MARCHF1: variants seen among roughly 807,000 people sequenced by gnomAD.
The protein encoded by MARCHF1 is membrane associated ring-CH-type finger 1.
A neutral mutation model predicts 54.2 loss-of-function variants in MARCHF1; 40 were observed. The observed-to-expected ratio is 0.74, with a 90% CI of 0.57 to 0.96. MARCHF1 has a LOEUF of 0.96. Among genes scored for constraint, MARCHF1 ranks in the 40% least tolerant of loss-of-function variants. The pLI, the probability that MARCHF1 is intolerant of heterozygous loss-of-function variation, is 0.00. For synonymous variants in MARCHF1, 236 were observed against 236.3 expected (o/e 1.00, Z 0.01); for missense variants, 586 against 656.5 (o/e 0.89, Z 1.17).
chr4:164,008,744 A>G (rs12511891), intron 2 of MARCHF1, among the ~76,000 whole-genome samples: 62,313 of 152,006 alleles, frequency 0.41, 14,265 homozygotes, highest in Non-Finnish European at 0.51. Context: ...CAGTGAGTCA[A>G]TTGAGAAGTT....
chr4:164,301,044 G>T (rs1166308420), intron 1 of MARCHF1, among the ~76,000 whole-genome samples: 1 of 152,020 alleles, frequency 6.6e-6, no homozygotes, highest in Non-Finnish European at 1.5e-5. Context: ...TCTTCGGAAA[G>T]ATGCTATTTT....
chr4:163,677,915 T>C (rs1484890724), intron 5 of MARCHF1, among the ~76,000 whole-genome samples: 1 of 152,266 alleles, frequency 6.6e-6, no homozygotes. Flanking sequence ...ATTCCTCATC[T>C]GTAAAAGTAT....
chr4:163,871,083 T>C (rs1345226980), intron 3 of MARCHF1, among the ~76,000 whole-genome samples: 3 of 152,172 alleles, frequency 2.0e-5, no homozygotes, highest in African/African-American at 7.2e-5. Flanking sequence ...TATCAAAATA[T>C]CATTCTGTAC....
At chr4:164,005,572 G>A (rs1753268997) in intron 2 of MARCHF1, among the ~76,000 whole-genome samples, 1 of 152,030 alleles carries the variant, frequency 6.6e-6, no homozygotes, top group African/African-American at 2.4e-5. Flanking sequence ...AGATTGAGGT[G>A]GTCAACCAGC....
intron 4 of MARCHF1, among the ~76,000 whole-genome samples, chr4:163,774,397 C>T (rs75660479): frequency 0.024 from 3,634 of 151,880 alleles, 66 homozygotes; most frequent in East Asian, 0.073. Context: ...AATGTTTCCA[C>T]GGTCATTTAC....
At chr4:164,363,766 C>CGT (rs113007142) in intron 1 of MARCHF1, among the ~76,000 whole-genome samples, 3,877 of 150,190 alleles carry the variant, frequency 0.026, 138 homozygotes, top group African/African-American at 0.078. Flanking sequence ...ATTAATAAGC[C>CGT]GTGTGTGTGT....
At chr4:163,692,576 G>GCAGCA in intron 5 of MARCHF1, among the ~76,000 whole-genome samples, 1 of 143,172 alleles carries the variant, frequency 7.0e-6, no homozygotes, top group Non-Finnish European at 1.5e-5. Flanking sequence ...CACAGGGCTG[G>GCAGCA]ATTATGGCTC....
intron 3 of MARCHF1, among the ~76,000 whole-genome samples, chr4:163,922,158 TG>T (rs1206277344): frequency 1.5e-5 from 2 of 134,090 alleles, no homozygotes; most frequent in African/African-American, 5.8e-5. Flanking sequence ...AGGTGGGAAT[TG>T]AACAATGGGA....
intron 4 of MARCHF1, among the ~76,000 whole-genome samples, chr4:163,809,306 T>C (rs1748318512): frequency 6.6e-6 from 1 of 152,192 alleles, no homozygotes; most frequent in South Asian, 2.1e-4. Flanking sequence ...CCAGAATTTA[T>C]TTTACAAACC....
intron 5 of MARCHF1, among the ~76,000 whole-genome samples, chr4:163,646,796 G>A (rs6821107): frequency 0.099 from 15,091 of 151,840 alleles, 1,283 homozygotes; most frequent in African/African-American, 0.22. Context: ...AAAACATGCC[G>A]CTGCAAAAAA....
chr4:164,139,034 A>T (rs1384545842), intron 1 of MARCHF1, among the ~76,000 whole-genome samples: 2 of 152,224 alleles, frequency 1.3e-5, no homozygotes, highest in Non-Finnish European at 2.9e-5. Context: ...TAAAATGTAT[A>T]TTAAAGCAAT....
chr4:163,720,181 A>T (rs184581388), intron 4 of MARCHF1, among the ~76,000 whole-genome samples: 6 of 152,302 alleles, frequency 3.9e-5, no homozygotes, highest in African/African-American at 1.4e-4. Context: ...TAAGTCTTTA[A>T]TCCATCTTGA....
chr4:164,070,051 G>A (rs1376145685), intron 2 of MARCHF1, among the ~76,000 whole-genome samples: 1 of 152,116 alleles, frequency 6.6e-6, no homozygotes, highest in East Asian at 1.9e-4. Context: ...ATTTTTAAAT[G>A]GGAGCTAAAC....
At chr4:163,657,897 A>T (rs979560635) in intron 5 of MARCHF1, among the ~76,000 whole-genome samples, 1 of 152,062 alleles carries the variant, frequency 6.6e-6, no homozygotes, top group Non-Finnish European at 1.5e-5. Context: ...TTTACATGTT[A>T]TATAAAAACT....
chr4:164,225,583 C>G (rs1732228697), intron 1 of MARCHF1, among the ~76,000 whole-genome samples: 2 of 151,956 alleles, frequency 1.3e-5, no homozygotes, highest in South Asian at 4.1e-4. Flanking sequence ...CAAAGTGCAC[C>G]TTAACTGAAT....
At chr4:164,183,168 T>A (rs1730877867) in intron 1 of MARCHF1, among the ~76,000 whole-genome samples, 1 of 152,202 alleles carries the variant, frequency 6.6e-6, no homozygotes, top group East Asian at 1.9e-4. Flanking sequence ...AAAAGTAAAA[T>A]GTTAAAAAGC....
chr4:163,738,471 T>C (rs566435851), intron 4 of MARCHF1, among the ~76,000 whole-genome samples: 4 of 152,346 alleles, frequency 2.6e-5, no homozygotes, highest in Non-Finnish European at 5.9e-5. Context: ...TTAGGTGATA[T>C]GACATGTGAG....
chr4:163,857,503 G>T (rs907355416), intron 3 of MARCHF1, among the ~76,000 whole-genome samples: 1 of 152,038 alleles, frequency 6.6e-6, no homozygotes, highest in Non-Finnish European at 1.5e-5. Flanking sequence ...TAGGAAAGTG[G>T]TCATTAAGCA....
chr4:163,981,791 C>T (rs1180321153), intron 3 of MARCHF1, among the ~76,000 whole-genome samples: 1 of 152,192 alleles, frequency 6.6e-6, no homozygotes, highest in East Asian at 1.9e-4. Flanking sequence ...CCTGCTCCTC[C>T]AATGCTCCAA....
Sources: gnomAD v4.1 joint callset for allele counts (sites outside exome capture counted in the v4.1 genomes callset) on GRCh38, gnomAD v4.1.1 for gene constraint, MANE v1.5 for transcripts, NCBI Gene and HGNC (gene_info 2026-07-23, HGNC 2026-07-21) for gene names.